Variants in STON2 observed in about 807,000 individuals in gnomAD.
STON2 encodes the protein stonin-2.
In STON2, 29 loss-of-function variants were observed where a neutral mutation model predicts 65.7. The ratio of observed to expected loss-of-function variants is 0.44; its 90% CI spans 0.33 to 0.60. The LOEUF (loss-of-function observed/expected upper bound fraction) is 0.60, where lower values mean the gene tolerates loss of function less well. Ranked by LOEUF, STON2 falls within the 20% of genes least tolerant of loss-of-function variation. The pLI, the probability that STON2 is intolerant of heterozygous loss-of-function variation, is 0.03. For synonymous variants in STON2, 404 were observed against 414.2 expected (o/e 0.98, Z 0.30); for missense variants, 1,054 against 1,118.1 (o/e 0.94, Z 0.82).
chr14:81,362,952 T>C (rs1027729957), intron 4 of STON2, among the ~76,000 whole-genome samples: 1 of 152,072 alleles, frequency 6.6e-6, no homozygotes, highest in Non-Finnish European at 1.5e-5. Context: ...AATAAGCACA[T>C]GATGGGGGTT....
At chr14:81,284,805 T>C (rs1204326823) in intron 5 of STON2, among the ~76,000 whole-genome samples, 3 of 152,212 alleles carry the variant, frequency 2.0e-5, no homozygotes, top group Non-Finnish European at 2.9e-5. Flanking sequence ...TAGTGGCCAA[T>C]GTGGCTGGTG....
At chr14:81,406,540 A>T (rs1170772399) in intron 2 of STON2, among the ~76,000 whole-genome samples, 1 of 152,212 alleles carries the variant, frequency 6.6e-6, no homozygotes, top group African/African-American at 2.4e-5. Flanking sequence ...ACAGGGACTG[A>T]AATAATTACT....
chr14:81,397,965 G>A (rs561896171), intron 2 of STON2, among the ~76,000 whole-genome samples: 2 of 152,272 alleles, frequency 1.3e-5, no homozygotes, highest in South Asian at 2.1e-4. Context: ...TCCAGAGCCT[G>A]TCACTTTTAA....
At chr14:81,341,408 G>T (rs1897602177) in intron 4 of STON2, among the ~76,000 whole-genome samples, 1 of 150,266 alleles carries the variant, frequency 6.7e-6, no homozygotes, top group South Asian at 2.1e-4. Context: ...AATAAGATCA[G>T]CTATGCTTCT....
chr14:81,381,389 G>A (rs1251900724), intron 3 of STON2, among the ~76,000 whole-genome samples: 1 of 152,104 alleles, frequency 6.6e-6, no homozygotes, highest in Non-Finnish European at 1.5e-5. Flanking sequence ...GACATAAGGA[G>A]AATGAAAAGA....
intron 3 of STON2, among the ~76,000 whole-genome samples, chr14:81,380,494 T>TACC (rs1566935433): frequency 6.6e-6 from 1 of 152,128 alleles, no homozygotes; most frequent in Non-Finnish European, 1.5e-5. Context: ...ACTGTGTATA[T>TACC]ACCCAAAGGA....
chr14:81,319,284 T>C (rs1319331245), intron 5 of STON2, among the ~76,000 whole-genome samples: 4 of 152,264 alleles, frequency 2.6e-5, no homozygotes, highest in Non-Finnish European at 4.4e-5. Context: ...CTTGCTTTGT[T>C]TTCTTACTAC....
intron 3 of STON2, among the ~76,000 whole-genome samples, chr14:81,372,155 T>C (rs904397645): frequency 7.7e-4 from 117 of 152,316 alleles, no homozygotes; most frequent in African/African-American, 2.6e-3. Flanking sequence ...AAAACTACTT[T>C]AGAAAGGTTT....
At chr14:81,310,059 G>C (rs10149489) in intron 5 of STON2, among the ~76,000 whole-genome samples, 119,704 of 152,038 alleles carry the variant, frequency 0.79, 47,270 homozygotes, top group African/African-American at 0.8. Flanking sequence ...TAAAGTGAGG[G>C]GGCTGGATTA....
At chr14:81,411,743 T>A (rs1381726116) in intron 2 of STON2, among the ~76,000 whole-genome samples, 2 of 152,082 alleles carry the variant, frequency 1.3e-5, no homozygotes, top group African/African-American at 2.4e-5. Context: ...ATAAAATAAA[T>A]TTTAAAAAGT....
chr14:81,410,290 A>AC (rs1165357813), intron 2 of STON2, among the ~76,000 whole-genome samples: 9 of 145,932 alleles, frequency 6.2e-5, no homozygotes, highest in African/African-American at 2.2e-4. Flanking sequence ...AAAAAAAAAA[A>AC]AAAAAAAAAA....
chr14:81,387,949 CTT>C (rs369887955), intron 3 of STON2, among the ~76,000 whole-genome samples: 3 of 102,768 alleles, frequency 2.9e-5, no homozygotes, highest in African/African-American at 8.6e-5. Context: ...TATTTCTTTT[CTT>C]TTTTTTTTTT....
At chr14:81,413,911 TCTTA>T (rs1901295117) in intron 2 of STON2, among the ~76,000 whole-genome samples, 1 of 140,650 alleles carries the variant, frequency 7.1e-6, no homozygotes, top group Non-Finnish European at 1.5e-5. Flanking sequence ...TTAAAAGCTT[TCTTA>T]CTGTTTTAAT....
At chr14:81,379,381 A>C (rs1899404848) in intron 3 of STON2, among the ~76,000 whole-genome samples, 1 of 152,208 alleles carries the variant, frequency 6.6e-6, no homozygotes, top group Admixed American at 6.5e-5. Context: ...AAAGAAGATT[A>C]AATAAATGGA....
At chr14:81,374,159 C>T (rs1317374147) in intron 3 of STON2, among the ~76,000 whole-genome samples, 6 of 151,044 alleles carry the variant, frequency 4.0e-5, no homozygotes, top group African/African-American at 1.2e-4. Flanking sequence ...TGCAGGCTCC[C>T]GCCACCATGC....
At chr14:81,389,278 A>T (rs1899966110) in intron 3 of STON2, among the ~76,000 whole-genome samples, 1 of 152,108 alleles carries the variant, frequency 6.6e-6, no homozygotes, top group Admixed American at 6.5e-5. Context: ...CCTGGCTGAA[A>T]TTTTTTTCTT....
chr14:81,393,766 T>C (rs1312107948), intron 3 of STON2, among the ~76,000 whole-genome samples: 4 of 152,234 alleles, frequency 2.6e-5, no homozygotes, highest in African/African-American at 9.6e-5. Flanking sequence ...CCGTAACTTT[T>C]CCCTACATGC....
intron 2 of STON2, among the ~76,000 whole-genome samples, chr14:81,397,838 G>A (rs1327967172): frequency 7.2e-5 from 11 of 152,246 alleles, no homozygotes; most frequent in African/African-American, 2.4e-4. Flanking sequence ...GATAGGTACT[G>A]ATTATCCCTA....
intron 5 of STON2, among the ~76,000 whole-genome samples, chr14:81,292,908 G>A (rs1157916986): frequency 6.6e-6 from 1 of 152,184 alleles, no homozygotes; most frequent in Non-Finnish European, 1.5e-5. Context: ...CAGAGAGAAG[G>A]AATATTGTAT....
Sources: gnomAD v4.1 joint callset for allele counts (sites outside exome capture counted in the v4.1 genomes callset) on GRCh38, gnomAD v4.1.1 for gene constraint, MANE v1.5 for transcripts, NCBI Gene and HGNC (gene_info 2026-07-23, HGNC 2026-07-21) for gene names.